Variants in FAM222B observed in about 807,000 individuals in gnomAD.
The protein encoded by FAM222B is protein FAM222B.
Under a neutral mutation model 38.0 loss-of-function variants are expected in FAM222B, and 12 were observed. The ratio of observed to expected loss-of-function variants is 0.32; its 90% confidence interval spans 0.20 to 0.51. The LOEUF is 0.51. Among genes scored for constraint, FAM222B ranks in the 20% least tolerant of loss-of-function variants. The pLI is 0.97. For missense variants in FAM222B, 716 were observed against 754.2 expected (o/e 0.95, Z 0.59); for synonymous variants, 329 against 317.2 (o/e 1.04, Z -0.40).
intron 1 of FAM222B, among the ~76,000 whole-genome samples, chr17:28,819,889 C>T (rs1219369240): frequency 6.6e-6 from 1 of 152,148 alleles, no homozygotes; most frequent in East Asian, 1.9e-4. Context: ...AATGCAAATG[C>T]AAAAGCAGAT....
intron 1 of FAM222B, among the ~76,000 whole-genome samples, chr17:28,807,560 A>G (rs2037551347): frequency 6.6e-6 from 1 of 151,806 alleles, no homozygotes; most frequent in African/African-American, 2.4e-5. Context: ...TAATTTTCAT[A>G]TTTTTAGTAG....
chr17:28,772,506 C>T (rs553616164), intron 1 of FAM222B, among the ~76,000 whole-genome samples: 15 of 143,944 alleles, frequency 1.0e-4, no homozygotes, highest in Admixed American at 4.6e-4. Flanking sequence ...GGGCGGATCA[C>T]GAGGTCAAGA....
intron 1 of FAM222B, among the ~76,000 whole-genome samples, chr17:28,776,744 C>G (rs1168759270): frequency 6.6e-6 from 1 of 152,022 alleles, no homozygotes; most frequent in East Asian, 1.9e-4. Flanking sequence ...AGGTATGAGC[C>G]TCGGTGCCAG....
At chr17:28,834,363 C>T (rs1007866549) in intron 1 of FAM222B, 2 of 150,820 alleles carry the variant, frequency 1.3e-5, no homozygotes, top group African/African-American at 4.9e-5. Flanking sequence ...CTAAGGTCAT[C>T]CATAACTGGA....
intron 1 of FAM222B, among the ~76,000 whole-genome samples, chr17:28,800,135 G>A (rs1448803051): frequency 1.3e-5 from 2 of 151,850 alleles, no homozygotes; most frequent in South Asian, 2.1e-4. Context: ...GCGTTCAAGC[G>A]ATTCTCCTGC....
intron 1 of FAM222B, among the ~76,000 whole-genome samples, chr17:28,836,169 T>G (rs890866191): frequency 6.6e-6 from 1 of 151,304 alleles, no homozygotes; most frequent in Non-Finnish European, 1.5e-5. Flanking sequence ...TGTGTGTTTT[T>G]AGAAGAGATG....
At chr17:28,845,866 G>T (rs2039142043), upstream of FAM222B, among the ~76,000 whole-genome samples, 1 of 151,816 alleles carries the variant, frequency 6.6e-6, no homozygotes, top group Admixed American at 6.6e-5. Context: ...CTGCAATCCA[G>T]CCTGGGTGAC....
At chr17:28,854,754 A>G (rs1567917170) in intron 1 of FAM222B, among the ~76,000 whole-genome samples, 2 of 152,234 alleles carry the variant, frequency 1.3e-5, no homozygotes, top group Non-Finnish European at 2.9e-5. Flanking sequence ...TTTAGGAGAC[A>G]TGGCCAGAAG....
At chr17:28,835,754 C>T (rs538827771) in intron 1 of FAM222B, among the ~76,000 whole-genome samples, 1 of 152,106 alleles carries the variant, frequency 6.6e-6, no homozygotes, top group East Asian at 1.9e-4. Context: ...TCACTACATC[C>T]TTCATCTCTT....
In FAM222B at chr17:28,759,669, G is replaced by A; in HGVS notation, c.290C>T (p.Thr97Ile). 6.2e-7 allele frequency: 1 copy of A among 1,613,480 alleles called. No homozygotes were observed. The highest frequency in any genetic ancestry group is 1.1e-5 in the South Asian group (1 of 90,978). ...GACAATGGCAAGCAGGCCTGCCTTG[G>A]TGGCAGCCTGTGTCGGGTAGGGGCT... ...RYSPYPTQAA[T>I]KAGLLAIVKV... is the part of the protein sequence containing the mutation. Residue 97 changes from threonine to isoleucine, a missense_variant, in exon 3 of 3, where the codon ACC (threonine) becomes ATC (isoleucine). Coordinates refer to ENST00000581407, the MANE Select transcript of FAM222B (RefSeq NM_001077498.3). This position sits in a 1 kb window ranked among gnomAD's most constrained non-coding sequence, Gnocchi z 4.8.
At chr17:28,804,204 C>G (rs1184504723) in intron 1 of FAM222B, among the ~76,000 whole-genome samples, 1 of 152,062 alleles carries the variant, frequency 6.6e-6, no homozygotes, top group Non-Finnish European at 1.5e-5. Flanking sequence ...AATGACACCA[C>G]CAGCTTTCCT....
At chr17:28,769,304 G>T (rs1458362406) in intron 1 of FAM222B, among the ~76,000 whole-genome samples, 1 of 144,798 alleles carries the variant, frequency 6.9e-6, no homozygotes, top group Non-Finnish European at 1.5e-5. Flanking sequence ...TCAGCCTCCC[G>T]AGTAGCTGGG....
At chr17:28,790,884 C>CTTTTTTTTTTTTTTTTTTTTTTTTTTTT (rs60664262) in intron 1 of FAM222B, among the ~76,000 whole-genome samples, 2 of 86,060 alleles carry the variant, frequency 2.3e-5, no homozygotes, top group African/African-American at 4.6e-5. Context: ...AATTGTTTCA[C>CTTTTTTTTTTTTTTTTTTTTTTTTTTTT]TTTTTTTTTT....
Position 28,759,976 on chromosome 17 carries a change from G to A in FAM222B, c.83-100C>T. On this transcript the variant is annotated intron_variant, in intron 2 of 2. Transcript: ENST00000581407. The surrounding 1 kb of genome is among the most constrained non-coding windows in gnomAD (Gnocchi z 4.8). ...GATTCCCCTTTTGAGGGCCTGGGGTGGGGTGGGGAAATGACTAGATTGTCA... is the reference window on the plus strand; with the variant it reads ...GATTCCCCTTTTGAGGGCCTGGGGTAGGGTGGGGAAATGACTAGATTGTCA... The A allele has an allele frequency of 8.2e-7, 1 of 1,219,728 alleles. No homozygotes were observed. The highest frequency in any genetic ancestry group is 1.1e-6 in the Non-Finnish European group (1 of 889,568). The allele number at this position is 1,219,728 out of a possible 1,614,324, so 75.6% of individuals were successfully genotyped here.
At chr17:28,815,336 C>A (rs2037979858) in intron 1 of FAM222B, among the ~76,000 whole-genome samples, 1 of 152,046 alleles carries the variant, frequency 6.6e-6, no homozygotes, top group Non-Finnish European at 1.5e-5. Flanking sequence ...GCCTCAGCCT[C>A]CCAAGTAGCT....
In FAM222B at chr17:28,758,561, C is replaced by T. The variant is rs183643656; in HGVS notation, c.1398G>A (p.Ser466=). The change falls in exon 3 of 3, where the codon TCG becomes TCA. Residue 466 remains serine (S), a synonymous_variant. Coordinates refer to ENST00000581407, the MANE Select transcript of FAM222B (RefSeq NM_001077498.3). The stretch of plus-strand genomic sequence containing the variant: ...ACGGCATGGCAAGGTCCTGAGACCC[C>T]GAGCTGTCGCTATTGGGAGTGGGCA... The part of the protein sequence containing the change: ...NILPTPNSDS[S]GSQDLAMPFH... 9.9e-6 allele frequency: 16 copies of T among 1,609,932 alleles called. No homozygotes were observed. Among genetic ancestry groups the T allele is most frequent in the East Asian group, 2.2e-5 (1 of 44,872 alleles).
At chr17:28,803,013 TTC>T (rs1427749907) in intron 1 of FAM222B, among the ~76,000 whole-genome samples, 1 of 152,028 alleles carries the variant, frequency 6.6e-6, no homozygotes, top group African/African-American at 2.4e-5. Flanking sequence ...TCTTTGCTTT[TTC>T]TTTTTTTTTT....
intron 1 of FAM222B, among the ~76,000 whole-genome samples, chr17:28,792,635 G>T (rs1361468768): frequency 6.6e-6 from 1 of 152,008 alleles, no homozygotes; most frequent in African/African-American, 2.4e-5. Context: ...ACAAAAATTA[G>T]CCAGGTGTGG....
At chr17:28,837,257 C>T (rs552197467) in intron 1 of FAM222B, among the ~76,000 whole-genome samples, 2 of 152,052 alleles carry the variant, frequency 1.3e-5, no homozygotes, top group South Asian at 2.1e-4. Context: ...AGTGAAACCT[C>T]GTGTCTACTA....
Sources: allele counts gnomAD v4.1 joint callset (sites outside exome capture counted in the v4.1 genomes callset), GRCh38; gene constraint gnomAD v4.1.1; non-coding constraint Gnocchi (gnomAD v3.1); transcripts MANE v1.5; gene names NCBI Gene and HGNC (gene_info 2026-07-23, HGNC 2026-07-21).